The following PRRX1 variants were observed in gnomAD, a reference collection of about 807,000 sequenced individuals.
PRRX1 encodes paired mesoderm homeobox protein 1.
Under a neutral mutation model 24.0 loss-of-function variants are expected in PRRX1, and 8 were observed. That is an observed-to-expected ratio of 0.33 (90% CI 0.20 to 0.60). The LOEUF is 0.60. Ranked by LOEUF, PRRX1 falls within the 20% of genes least tolerant of loss-of-function variation. PRRX1 has a pLI of 0.82. For missense variants in PRRX1, 281 were observed against 322.4 expected (o/e 0.87, Z 0.98); for synonymous variants, 160 against 131.7 (o/e 1.22, Z -1.47).
chr1:170,710,795 A>G (rs937106906), intron 1 of PRRX1, among the ~76,000 whole-genome samples: 5 of 152,332 alleles, frequency 3.3e-5, no homozygotes, highest in African/African-American at 1.2e-4. Context: ...TATAGTAAGA[A>G]GGCAGTTGTT....
intron 1 of PRRX1, among the ~76,000 whole-genome samples, chr1:170,718,569 C>A (rs1654976843): frequency 6.6e-6 from 1 of 152,176 alleles, no homozygotes; most frequent in Non-Finnish European, 1.5e-5. Context: ...TTGTTCTCCC[C>A]ATCCTCACTC....
chr1:170,738,182 G>T lies in PRRX1; in HGVS notation c.*1996G>T, dbSNP rs1571355956. ...ATTAAAAAACTTTGGATCAATTTTG[G>T]TCAAACATGCCAACTTTGTAGTCTG... On this transcript the variant is annotated 3_prime_UTR_variant, in exon 4 of 4. Coordinates refer to ENST00000239461, the MANE Select transcript of PRRX1 (RefSeq NM_022716.4). 4.5e-6 allele frequency: 1 copy of T among 222,000 alleles called. No homozygotes were observed. Among genetic ancestry groups the T allele is most frequent in the East Asian group, 6.6e-5 (1 of 15,082 alleles). 13.8% of individuals were successfully genotyped at this position (222,000 alleles called of 1,614,324 possible).
intron 1 of PRRX1, among the ~76,000 whole-genome samples, chr1:170,680,785 C>A (rs1246388885): frequency 2.6e-5 from 4 of 152,134 alleles, no homozygotes; most frequent in African/African-American, 9.7e-5. Context: ...GAACAGTTAC[C>A]AAAGACAGCT....
intron 1 of PRRX1, among the ~76,000 whole-genome samples, chr1:170,688,924 CT>C (rs1205686552): frequency 6.6e-6 from 1 of 152,002 alleles, no homozygotes; most frequent in Non-Finnish European, 1.5e-5. Flanking sequence ...AGCTATGCAT[CT>C]TTTGGTTTTT....
intron 2 of PRRX1, among the ~76,000 whole-genome samples, chr1:170,723,063 T>C (rs923326188): frequency 6.6e-5 from 10 of 152,198 alleles, no homozygotes; most frequent in African/African-American, 2.4e-4. Flanking sequence ...GTTTTTATTT[T>C]ATTCTGTGAG....
At position 170,736,288 on chromosome 1, in the gene PRRX1, C is replaced by T. The variant is rs1655602167; in HGVS notation, c.*102C>T. ...TCTGCTGGGGGGAAAAAGTAAATTACAAACAAACAAACAAAGCAGAACTAA... is the reference window on the plus strand; with the variant it reads ...TCTGCTGGGGGGAAAAAGTAAATTATAAACAAACAAACAAAGCAGAACTAA... On this transcript the variant is annotated 3_prime_UTR_variant, in exon 4 of 4. Transcript: ENST00000239461. 1.4e-6 allele frequency: 2 copies of T among 1,441,016 alleles called. No homozygotes were observed. The highest frequency in any genetic ancestry group is 1.9e-6 in the Non-Finnish European group (2 of 1,044,520). 89.3% of individuals were successfully genotyped at this position (1,441,016 alleles called of 1,614,324 possible).
chr1:170,683,231 G>A (rs964029031), intron 1 of PRRX1, among the ~76,000 whole-genome samples: 2 of 152,214 alleles, frequency 1.3e-5, no homozygotes, highest in Non-Finnish European at 2.9e-5. Flanking sequence ...GAAGCAGTTA[G>A]GAGGTTATTG....
At chr1:170,724,690 T>C (rs1171229338) in intron 2 of PRRX1, among the ~76,000 whole-genome samples, 1 of 152,234 alleles carries the variant, frequency 6.6e-6, no homozygotes, top group African/African-American at 2.4e-5. Context: ...TGTAGCCTTG[T>C]AGAATAGTTT....
intron 1 of PRRX1, among the ~76,000 whole-genome samples, chr1:170,702,226 G>A (rs949680379): frequency 5.3e-5 from 8 of 152,218 alleles, no homozygotes; most frequent in African/African-American, 1.9e-4. Context: ...ACCTCCTGCT[G>A]TGTGGCCCTG....
intron 2 of PRRX1, among the ~76,000 whole-genome samples, chr1:170,721,140 CA>C (rs1655072695): frequency 6.6e-6 from 1 of 152,054 alleles, no homozygotes; most frequent in Non-Finnish European, 1.5e-5. Flanking sequence ...CCCCGCCTCC[CA>C]AAAAAACTGA....
Position 170,664,159 on chromosome 1 carries a change from C to T in PRRX1, c.-60C>T. Reference sequence around the variant, plus strand: ...CGGCTCCTCTCCCCCCTCGCGCCCACAGCGTTTGGTGTTGATTCGAGCGGG... The same window carrying T: ...CGGCTCCTCTCCCCCCTCGCGCCCATAGCGTTTGGTGTTGATTCGAGCGGG... On this transcript the variant is annotated 5_prime_UTR_variant, in exon 1 of 4. Transcript: ENST00000239461. 1.9e-6 allele frequency: 3 copies of T among 1,551,662 alleles called. No individual in the cohort carries two copies. The highest frequency in any genetic ancestry group is 2.6e-6 in the Non-Finnish European group (3 of 1,146,652).
chr1:170,691,911 G>A (rs538422877), intron 1 of PRRX1, among the ~76,000 whole-genome samples: 1 of 152,060 alleles, frequency 6.6e-6, no homozygotes, highest in Non-Finnish European at 1.5e-5. Flanking sequence ...GGGAAGCAGT[G>A]TTCTCTAAGC....
At chr1:170,706,174 A>G (rs1441279351) in intron 1 of PRRX1, among the ~76,000 whole-genome samples, 1 of 152,238 alleles carries the variant, frequency 6.6e-6, no homozygotes, top group Non-Finnish European at 1.5e-5. Flanking sequence ...ATCTGCAAAT[A>G]TCATTACTAG....
At chr1:170,678,345 T>A (rs2101889802) in intron 1 of PRRX1, among the ~76,000 whole-genome samples, 1 of 152,332 alleles carries the variant, frequency 6.6e-6, no homozygotes, top group East Asian at 1.9e-4. Flanking sequence ...GAGCAATAGA[T>A]CAGCATGGCT....
chr1:170,728,700 T>C (rs933753068), intron 3 of PRRX1: 1 of 152,170 alleles, frequency 6.6e-6, no homozygotes, highest in African/African-American at 2.4e-5. Flanking sequence ...ATTTAATCAA[T>C]AATAATGTTT....
chr1:170,691,337 TTACA>T (rs1653939430), intron 1 of PRRX1, among the ~76,000 whole-genome samples: 1 of 152,062 alleles, frequency 6.6e-6, no homozygotes, highest in Admixed American at 6.6e-5. Context: ...CAGATCAAAC[TTACA>T]TAAATAATGA....
At chr1:170,664,117 C>G, upstream of PRRX1, 1 of 1,207,576 alleles carries the variant, frequency 8.3e-7, no homozygotes, top group Non-Finnish European at 1.2e-6. Context: ...CCACTACCCC[C>G]CTCTTTCTTC....
chr1:170,697,606 C>T (rs1306432357), intron 1 of PRRX1, among the ~76,000 whole-genome samples: 1 of 150,186 alleles, frequency 6.7e-6, no homozygotes, highest in Non-Finnish European at 1.5e-5. Flanking sequence ...TAAGAATACA[C>T]CATATTTGCA....
intron 1 of PRRX1, among the ~76,000 whole-genome samples, chr1:170,665,827 G>A (rs1428300987): frequency 6.6e-6 from 1 of 152,248 alleles, no homozygotes; most frequent in African/African-American, 2.4e-5. Flanking sequence ...GCCAAAAGCG[G>A]CCTAGGGCCG....
Sources: allele counts gnomAD v4.1 joint callset (sites outside exome capture counted in the v4.1 genomes callset), GRCh38; gene constraint gnomAD v4.1.1; transcripts MANE v1.5; gene names NCBI Gene and HGNC (gene_info 2026-07-23, HGNC 2026-07-21).